The following VWF variants were observed in gnomAD, a reference collection of about 807,000 sequenced individuals.
The protein encoded by VWF is von Willebrand factor.
VWF carries 176 observed loss-of-function variants against 308.6 expected under a neutral mutation model. The observed-to-expected ratio is 0.57, with a 90% CI of 0.50 to 0.65. The LOEUF (loss-of-function observed/expected upper bound fraction) is 0.65, where lower values mean the gene tolerates loss of function less well. Among genes scored for constraint, VWF ranks in the 30% least tolerant of loss-of-function variants. The pLI, the probability that VWF is intolerant of heterozygous loss-of-function variation, is 0.00. For synonymous variants in VWF, 1,385 were observed against 1,443.4 expected, an observed-to-expected ratio of 0.96 and a Z score of 0.92; for missense variants, 3,146 against 3,648.2, an observed-to-expected ratio of 0.86 and a Z score of 3.55.
intron 34 of VWF, among the ~76,000 whole-genome samples, chr12:6,006,754 G>A (rs1943932279): frequency 6.6e-6 from 1 of 152,112 alleles, no homozygotes. Context: ...ACTCCAGCCT[G>A]GGCAACAGAG....
intron 24 of VWF, 81 bp downstream of exon 24, chr12:6,025,499 G>A (rs978209911): frequency 7.9e-6 from 9 of 1,144,926 alleles, no homozygotes; most frequent in Non-Finnish European, 1.2e-5. Flanking sequence ...TAGTGTCCAC[G>A]TTAGAAGGTC....
intron 6 of VWF, chr12:6,095,191 G>A (rs1003253657): frequency 6.4e-6 from 3 of 468,122 alleles, no homozygotes; most frequent in Admixed American, 6.5e-5. Context: ...GATAATTTAT[G>A]TTCCTTAAAA....
At chr12:6,007,014 T>C (rs1242592273) in intron 34 of VWF, among the ~76,000 whole-genome samples, 30 of 152,194 alleles carry the variant, frequency 2.0e-4, no homozygotes, top group Admixed American at 2.0e-3. Context: ...TATATAGTGA[T>C]AAATGCATCA....
At chr12:6,092,755 C>T (rs1406021410) in intron 6 of VWF, among the ~76,000 whole-genome samples, 1 of 151,582 alleles carries the variant, frequency 6.6e-6, no homozygotes, top group Non-Finnish European at 1.5e-5. Flanking sequence ...CACAAGATGC[C>T]TCTGTGTCCT....
At chr12:5,975,576 C>G (rs966094475) in intron 43 of VWF, among the ~76,000 whole-genome samples, 1 of 152,136 alleles carries the variant, frequency 6.6e-6, no homozygotes, top group African/African-American at 2.4e-5. Flanking sequence ...AATCAACAGT[C>G]TATGTGGAAA....
intron 13 of VWF, among the ~76,000 whole-genome samples, chr12:6,061,714 G>C (rs1944656709): frequency 6.6e-6 from 1 of 152,166 alleles, no homozygotes; most frequent in Non-Finnish European, 1.5e-5. Flanking sequence ...GTGGTCTTGA[G>C]ACCCATAGGG....
intron 47 of VWF, among the ~76,000 whole-genome samples, chr12:5,954,787 A>G (rs1244423315): frequency 6.6e-6 from 1 of 152,176 alleles, no homozygotes; most frequent in Non-Finnish European, 1.5e-5. Flanking sequence ...GTTACCACAC[A>G]CCACACGGGA....
At chr12:6,057,181 C>G (rs948170434) in intron 14 of VWF, 109 bp from the exon 15 acceptor site, 40 of 1,010,120 alleles carry the variant, frequency 4.0e-5, no homozygotes, top group Non-Finnish European at 5.2e-5. Context: ...TAGAGGGCTG[C>G]AAGGTCACGC....
At chr12:6,057,769 A>C in intron 14 of VWF, 80 bp downstream of exon 14, 1 of 1,477,678 alleles carries the variant, frequency 6.8e-7, no homozygotes, top group Non-Finnish European at 9.0e-7. Context: ...CGGTGGGAGC[A>C]CTGCCTCCGG....
At chr12:6,100,134 A>T (rs1488744792) in intron 5 of VWF, among the ~76,000 whole-genome samples, 5 of 152,120 alleles carry the variant, frequency 3.3e-5, no homozygotes, top group Non-Finnish European at 7.3e-5. Context: ...CAAAAAACAC[A>T]TGAAAAAATG....
chr12:6,116,948 G>A (rs747375591), intron 3 of VWF, among the ~76,000 whole-genome samples: 1 of 152,148 alleles, frequency 6.6e-6, no homozygotes, highest in South Asian at 2.1e-4. Context: ...CAGGGCCCAA[G>A]TCCTGGGCTC....
chr12:6,121,294 G>C lies in VWF; in HGVS notation c.100C>G (p.Arg34Gly), dbSNP rs61753984. Residue 34 changes from arginine to glycine, a missense_variant, in exon 3 of 52, where the codon CGA (arginine) becomes GGA (glycine). By Grantham distance (125) the Arg-to-Gly change is moderately radical (BLOSUM62 -2). This residue lies in a region of VWF where 1,304 missense variants were observed against 1,353.0 expected (regional missense o/e 0.96). Coordinates refer to ENST00000261405, the MANE Select transcript of VWF (RefSeq NM_000552.5). The stretch of plus-strand genomic sequence containing the variant: ...AAGTCACTTCCGAAAAGGCTGCATC[G>C]GGCCGTGGATGACCTGCCGCGAGTT... ...EGTRGRSSTA[R>G]CSLFGSDFVN... The C allele has an allele frequency of 6.2e-7, 1 of 1,614,210 alleles. No homozygotes were observed. Among genetic ancestry groups the C allele is most frequent in the Non-Finnish European group, 8.5e-7 (1 of 1,180,038 alleles).
intron 38 of VWF, among the ~76,000 whole-genome samples, chr12:5,990,060 T>C (rs1369327731): frequency 1.3e-5 from 2 of 152,206 alleles, no homozygotes; most frequent in African/African-American, 2.4e-5. Flanking sequence ...AGTTGAAATA[T>C]GGCAGTAGAG....
chr12:6,105,769 G>A (rs773571740), intron 5 of VWF, among the ~76,000 whole-genome samples: 19 of 152,022 alleles, frequency 1.2e-4, no homozygotes, highest in Non-Finnish European at 2.2e-4. Flanking sequence ...GGACGCGGTG[G>A]TTCATGCCTG....
At chr12:6,122,293 C>A (rs779091946) in intron 2 of VWF, among the ~76,000 whole-genome samples, 7 of 152,142 alleles carry the variant, frequency 4.6e-5, no homozygotes, top group Non-Finnish European at 1.0e-4. Flanking sequence ...CAGTGAGCAT[C>A]TTTGTACATA....
rs548855086 is a variant in VWF, at chr12:5,968,287, G to A, written c.7730-120C>T. 21 of 1,272,896 alleles carry A rather than the reference G, an allele frequency of 1.6e-5. No homozygotes were observed. The South Asian group carries it at 1.7e-4, about 10-fold the overall frequency. The allele number at this position is 1,272,896 out of a possible 1,614,324, so 78.9% of individuals were successfully genotyped here. On this transcript the variant is annotated intron_variant, in intron 45 of 51. Coordinates refer to ENST00000261405, the MANE Select transcript of VWF (RefSeq NM_000552.5). The stretch of plus-strand genomic sequence containing the variant: ...CTGGGCCTCCCTCCTGTATCGGTCG[G>A]CCCTTTCCCCCCACCCCACAACCCA...
intron 6 of VWF, among the ~76,000 whole-genome samples, chr12:6,077,696 T>C (rs1944861692): frequency 6.6e-6 from 1 of 152,198 alleles, no homozygotes; most frequent in African/African-American, 2.4e-5. Context: ...CAGCCATGAA[T>C]GCAGGCCACT....
intron 38 of VWF, 146 bp from the exon 39 acceptor site, chr12:5,985,811 G>A: frequency 1.3e-6 from 1 of 773,536 alleles, no homozygotes. Flanking sequence ...ACAAAAGCAG[G>A]CTGAAAGGAG....
chr12:6,072,373 C>T lies in VWF; in HGVS notation c.1067G>A (p.Arg356His), dbSNP rs377580592. Residue 356 changes from arginine (R) to histidine (H), a missense_variant, in exon 9 of 52, where the codon CGC becomes CAC. Around this residue, in one of 3 missense-constraint regions of VWF, gnomAD observed 1,304 missense variants for 1,353.0 expected, o/e 0.96. Transcript: ENST00000261405. ...TECPCVHSGK[R>H]YPPGTSLSRD... Reference sequence around the variant, plus strand: ...AGAGAGGGAGGTGCCGGGAGGGTAGCGCTTTCCGGAATGCACGCAGGGACA... The same window carrying T: ...AGAGAGGGAGGTGCCGGGAGGGTAGTGCTTTCCGGAATGCACGCAGGGACA... The T allele has an allele frequency of 2.1e-5, 34 of 1,613,990 alleles. No individual in the cohort carries two copies. The highest frequency in any genetic ancestry group is 6.7e-5 in the East Asian group (3 of 44,886).
Sources: allele counts gnomAD v4.1 joint callset (sites outside exome capture counted in the v4.1 genomes callset), GRCh38; gene constraint gnomAD v4.1.1; regional missense constraint gnomAD v4.1.1; transcripts MANE v1.5; gene names NCBI Gene and HGNC (gene_info 2026-07-23, HGNC 2026-07-21).